The following LGALS4 variants were observed in gnomAD, a reference collection of about 807,000 sequenced individuals.
LGALS4 encodes the protein galectin 4.
LGALS4 carries 37 observed loss-of-function variants against 39.6 expected under a neutral mutation model. That is an observed-to-expected ratio of 0.93 (90% CI 0.72 to 1.23). LGALS4 has a LOEUF of 1.23. LGALS4 is among the 50% of genes most tolerant of loss of function. The pLI is 0.00. For missense variants in LGALS4, 397 were observed against 433.2 expected (o/e 0.92, Z 0.74); for synonymous variants, 160 against 165.5 (o/e 0.97, Z 0.25).
At chr19:38,803,008 C>CTTTTTTTTTTTTTTTTTTTTT (rs71165582) in intron 7 of LGALS4, 2 of 73,262 alleles carry the variant, frequency 2.7e-5, no homozygotes, top group African/African-American at 5.5e-5. Flanking sequence ...TTTTCTTTTT[C>CTTTTTTTTTTTTTTTTTTTTT]TTTTTTTTTT....
intron 7 of LGALS4, chr19:38,803,092 G>C (rs1475792378): frequency 6.7e-6 from 1 of 148,602 alleles, no homozygotes; most frequent in Non-Finnish European, 1.3e-5. Flanking sequence ...CCGGCTCACT[G>C]CAACCTCCGA....
Position 38,812,867 on chromosome 19 carries a change from G to A in LGALS4, c.20C>T (p.Pro7Leu), listed in dbSNP as rs368186239. MAYVPA[P>L]GYQPTYNPTL... Reference sequence around the variant, plus strand: ...CGGGTTGTAGGTGGGCTGGTAGCCCGGTGCGGGGACATAGGCCATCGCTCG... The same window carrying A: ...CGGGTTGTAGGTGGGCTGGTAGCCCAGTGCGGGGACATAGGCCATCGCTCG... The change falls in exon 1 of 10, where the codon CCG (proline) becomes CTG (leucine). Residue 7 changes from proline (P) to leucine (L), a missense_variant. Transcript: ENST00000307751. 81 of 1,611,900 alleles carry A rather than the reference G, an allele frequency of 5.0e-5. No individual in the cohort carries two copies. In the South Asian group the frequency reaches 6.4e-4, roughly 13 times the overall value.
At chr19:38,802,289 G>A (rs765629585) in intron 8 of LGALS4, 27 bp downstream of exon 8, 4 of 1,606,160 alleles carry the variant, frequency 2.5e-6, no homozygotes, top group Non-Finnish European at 3.4e-6. Flanking sequence ...GAGGGGGCTG[G>A]GGGTTCCCAC....
chr19:38,812,698 G>A, intron 1 of LGALS4, 144 bp downstream of exon 1: 1 of 1,000,836 alleles, frequency 1.0e-6, no homozygotes, highest in South Asian at 1.4e-5. Context: ...GGTCAGGGTA[G>A]GAGTAAATCG....
In LGALS4 at chr19:38,812,518, G is replaced by A. The variant is rs8106404; in HGVS notation, c.47C>T (p.Thr16Met). 4.9e-3 allele frequency: 7,898 copies of A among 1,613,950 alleles called. 325 individuals carry two copies. The African/African-American group carries it at 0.091, about 19-fold the overall frequency. ...CGGGATGGGCTGGTAGTAAGGCAGC[G>A]TCTGGAGAAGAGGCCTGGTGAGGGG... ...APGYQPTYNP[T>M]LPYYQPIPGG... The change falls in exon 2 of 10, where the codon ACG becomes ATG. Residue 16 changes from threonine (T) to methionine (M), a missense_variant and splice_region_variant. Coordinates refer to ENST00000307751, the MANE Select transcript of LGALS4 (RefSeq NM_006149.4).
chr19:38,802,479 CT>C, intron 7 of LGALS4, 75 bp from the exon 8 acceptor site: 1 of 1,107,066 alleles, frequency 9.0e-7, no homozygotes. Flanking sequence ...TTTTCTTTTT[CT>C]TTTCTTTTCT....
At chr19:38,809,749 C>CA (rs992141896) in intron 2 of LGALS4, among the ~76,000 whole-genome samples, 7 of 147,016 alleles carry the variant, frequency 4.8e-5, no homozygotes, top group African/African-American at 1.8e-4. Flanking sequence ...CTCGGCCTCT[C>CA]AGAGTGCTGG....
At position 38,812,651 on chromosome 19, in the gene LGALS4, G is replaced by A. The variant is rs144359954; in HGVS notation, c.46-132C>T. 379 of 965,066 alleles carry A rather than the reference G, an allele frequency of 3.9e-4. 1 individual carries two copies. In the African/African-American group the frequency reaches 5.3e-3, roughly 13 times the overall value. The allele number at this position is 965,066 out of a possible 1,614,324, so 59.8% of individuals were successfully genotyped here. A position where few individuals can be genotyped will look rare whatever the true frequency, so the allele number is the denominator to read the frequency against. Reference sequence around the variant, plus strand: ...GGGGGAGGACCAGGTTGAAGATGACGAGGGCCAACAGTTAGACGTGGACAC... The same window carrying A: ...GGGGGAGGACCAGGTTGAAGATGACAAGGGCCAACAGTTAGACGTGGACAC... On this transcript the variant is annotated intron_variant, in intron 1 of 9. Transcript: ENST00000307751.
rs763372588 is a variant in LGALS4 at position 38,808,892 on chromosome 19, A to G, written c.191T>C (p.Phe64Ser). Residue 64 changes from phenylalanine to serine, a missense_variant, in exon 3 of 10, where the codon TTC becomes TCC. By Grantham distance (155) the Phe-to-Ser change is radical (BLOSUM62 -2). Coordinates refer to ENST00000307751, the MANE Select transcript of LGALS4 (RefSeq NM_006149.4). ...GTCCCAGCCGTCAAACCGCGGATTGAAGTGGAAGGCGACGTCTGAGCCCGG... is the reference window on the plus strand; with the variant it reads ...GTCCCAGCCGTCAAACCGCGGATTGGAGTGGAAGGCGACGTCTGAGCCCGG... ...QDPGSDVAFHFNPRFDGWDKV... is the reference protein window; with the variant it reads ...QDPGSDVAFHSNPRFDGWDKV... 6.2e-7 allele frequency: 1 copy of G among 1,614,148 alleles called. No homozygotes were observed. The highest frequency in any genetic ancestry group is 8.5e-7 in the Non-Finnish European group (1 of 1,180,032).
chr19:38,812,724 T>G, intron 1 of LGALS4, 118 bp downstream of exon 1: 1 of 1,187,340 alleles, frequency 8.4e-7, no homozygotes, highest in Non-Finnish European at 1.2e-6. Context: ...CGGGGTCAGC[T>G]TTGGGTAAAT....
intron 8 of LGALS4, 73 bp downstream of exon 8, chr19:38,802,243 G>A: frequency 1.9e-6 from 3 of 1,595,466 alleles, no homozygotes; most frequent in Non-Finnish European, 1.7e-6. Flanking sequence ...TAAAGGAGGA[G>A]GGGACAGAGG....
chr19:38,809,299 C>G (rs1302403079), intron 2 of LGALS4, among the ~76,000 whole-genome samples: 4 of 151,594 alleles, frequency 2.6e-5, no homozygotes, highest in Non-Finnish European at 5.9e-5. Context: ...CCTGCCTCAG[C>G]CTCCCAAGTA....
At chr19:38,803,139 T>C (rs56283123) in intron 7 of LGALS4, 88,305 of 197,442 alleles carry the variant, frequency 0.45, 22,177 homozygotes, top group East Asian at 0.66. Flanking sequence ...CTCAGCTTCC[T>C]GAGTAGCTGG....
At chr19:38,803,375 G>T in intron 7 of LGALS4, 147 bp downstream of exon 7, 1 of 738,884 alleles carries the variant, frequency 1.4e-6, no homozygotes, top group Non-Finnish European at 2.3e-6. Context: ...AATTCCTTCT[G>T]CTCCCTAAAC....
At chr19:38,810,697 G>C (rs147432903) in intron 2 of LGALS4, among the ~76,000 whole-genome samples, 4 of 151,336 alleles carry the variant, frequency 2.6e-5, no homozygotes, top group African/African-American at 9.7e-5. Context: ...GGCTAGTCTC[G>C]AGCTCCTGAC....
intron 4 of LGALS4, among the ~76,000 whole-genome samples, chr19:38,805,208 T>TAATAATAAA (rs143505798): frequency 0.011 from 1,616 of 148,238 alleles, 26 homozygotes; most frequent in East Asian, 0.037. Flanking sequence ...ATAATAATAA[T>TAATAATAAA]ATTGATAAAC....
chr19:38,808,897 G>T lies in LGALS4; in HGVS notation c.186C>A (p.Phe62Leu), dbSNP rs774416206. ...VGQDPGSDVA[F>L]HFNPRFDGWD... ...AGCCGTCAAACCGCGGATTGAAGTG[G>T]AAGGCGACGTCTGAGCCCGGATCCT... The change falls in exon 3 of 10, where the codon TTC becomes TTA. Residue 62 changes from phenylalanine to leucine, a missense_variant. Coordinates refer to ENST00000307751, the MANE Select transcript of LGALS4 (RefSeq NM_006149.4). The T allele has an allele frequency of 6.2e-7, 1 of 1,614,146 alleles. No homozygotes were observed. Among genetic ancestry groups the T allele is most frequent in the Non-Finnish European group, 8.5e-7 (1 of 1,180,022 alleles).
intron 3 of LGALS4, among the ~76,000 whole-genome samples, chr19:38,807,828 T>C (rs529165662): frequency 3.3e-5 from 5 of 152,302 alleles, no homozygotes; most frequent in South Asian, 2.1e-4. Context: ...AACCTTACCC[T>C]GTGTTCCCTG....
At chr19:38,810,212 G>A (rs1343441306) in intron 2 of LGALS4, among the ~76,000 whole-genome samples, 2 of 152,110 alleles carry the variant, frequency 1.3e-5, no homozygotes, top group Non-Finnish European at 2.9e-5. Context: ...CTGGAGTGCA[G>A]TGATGCGATC....
Sources: allele counts gnomAD v4.1 joint callset (sites outside exome capture counted in the v4.1 genomes callset), GRCh38; gene constraint gnomAD v4.1.1; transcripts MANE v1.5; gene names NCBI Gene and HGNC (gene_info 2026-07-23, HGNC 2026-07-21).